The following SORL1 variants were observed in gnomAD, a reference collection of about 807,000 sequenced individuals.
The protein encoded by SORL1 is sortilin related receptor 1.
Under a neutral mutation model 273.7 loss-of-function variants are expected in SORL1, and 127 were observed. The observed-to-expected ratio is 0.46, with a 90% confidence interval of 0.40 to 0.54. The LOEUF (loss-of-function observed/expected upper bound fraction) is 0.54. Among genes scored for constraint, SORL1 ranks in the 20% least tolerant of loss-of-function variants. SORL1 has a pLI of 0.00. For missense variants in SORL1, 2,494 were observed against 2,846.1 expected (o/e 0.88, Z 2.81); for synonymous variants, 1,031 against 1,067.4 (o/e 0.97, Z 0.66).
chr11:121,489,597 C>A (rs1322901021), intron 4 of SORL1, among the ~76,000 whole-genome samples: 1 of 152,162 alleles, frequency 6.6e-6, no homozygotes, highest in Non-Finnish European at 1.5e-5. Flanking sequence ...TATGCATAGA[C>A]CACATTTTGC....
chr11:121,517,440 A>G (rs1178394354), intron 8 of SORL1, among the ~76,000 whole-genome samples: 1 of 152,210 alleles, frequency 6.6e-6, no homozygotes, highest in Non-Finnish European at 1.5e-5. Flanking sequence ...ATGGGTGAAT[A>G]ATATTCTCCT....
At chr11:121,534,137 A>G (rs533892664) in intron 12 of SORL1, among the ~76,000 whole-genome samples, 16 of 152,362 alleles carry the variant, frequency 1.1e-4, no homozygotes, top group African/African-American at 3.6e-4. Flanking sequence ...GTATACTGCT[A>G]TGTGTGTAAT....
At chr11:121,624,254 G>A (rs758832180) in intron 45 of SORL1, among the ~76,000 whole-genome samples, 5 of 152,196 alleles carry the variant, frequency 3.3e-5, no homozygotes, top group African/African-American at 4.8e-5. Context: ...AAGAGACTGT[G>A]ATTATGCAAG....
At chr11:121,608,021 CT>C in intron 37 of SORL1, 82 bp from the exon 38 acceptor site, 2 of 1,282,506 alleles carry the variant, frequency 1.6e-6, no homozygotes, top group Admixed American at 3.5e-5. Context: ...AATCTCACCC[CT>C]TTAGCTCATT....
chr11:121,459,346 C>G (rs569002076), intron 1 of SORL1, among the ~76,000 whole-genome samples: 2 of 152,352 alleles, frequency 1.3e-5, no homozygotes, highest in African/African-American at 4.8e-5. Context: ...CCTGCAAAGA[C>G]CTGCTCGTGT....
intron 28 of SORL1, among the ~76,000 whole-genome samples, chr11:121,588,715 C>T (rs1175377563): frequency 6.6e-6 from 1 of 152,174 alleles, no homozygotes; most frequent in East Asian, 1.9e-4. Context: ...GCTCAAACAA[C>T]AGAAATTTAT....
intron 6 of SORL1, among the ~76,000 whole-genome samples, chr11:121,508,312 A>G (rs1861819334): frequency 6.6e-6 from 1 of 152,170 alleles, no homozygotes; most frequent in Admixed American, 6.5e-5. Context: ...GAGTCCCAGG[A>G]ATACTCATCT....
At chr11:121,492,954 C>T (rs756181323) in intron 5 of SORL1, among the ~76,000 whole-genome samples, 1 of 151,720 alleles carries the variant, frequency 6.6e-6, no homozygotes, top group Non-Finnish European at 1.5e-5. Context: ...AGGTGCCTGC[C>T]ACCACGCCTG....
rs1863809106 is a variant in SORL1 at position 121,627,213 on chromosome 11, C to A, written c.6365-342C>A. On this transcript the variant is annotated intron_variant, in intron 46 of 47. Transcript: ENST00000260197. The surrounding 1 kb of genome is among the most constrained non-coding windows in gnomAD (Gnocchi z 4.9). ...TGATTTCACATCCTCTTATGTAAGG[C>A]AAGCAAGTGGTCTTAAGTAATAATG... 3.9e-6 allele frequency: 1 copy of A among 255,278 alleles called. No homozygotes were observed. Among genetic ancestry groups the A allele is most frequent in the Admixed American group, 5.0e-5 (1 of 19,990 alleles). The allele number at this position is 255,278 out of a possible 1,614,324, so 15.8% of individuals were successfully genotyped here. A position where few individuals can be genotyped will look rare whatever the true frequency, so the allele number is the denominator to read the frequency against.
chr11:121,615,721 G>A (rs1420879813), intron 41 of SORL1, among the ~76,000 whole-genome samples: 1 of 152,118 alleles, frequency 6.6e-6, no homozygotes, highest in Non-Finnish European at 1.5e-5. Context: ...ACAGGGCTGA[G>A]TCATAGGGAA....
chr11:121,555,999 G>A (rs945986711), intron 18 of SORL1, among the ~76,000 whole-genome samples: 2 of 152,202 alleles, frequency 1.3e-5, no homozygotes, highest in African/African-American at 2.4e-5. Flanking sequence ...AGGGCTAAGA[G>A]GAGTTGCAAG....
At chr11:121,615,492 T>A (rs1863626983) in intron 41 of SORL1, among the ~76,000 whole-genome samples, 1 of 152,208 alleles carries the variant, frequency 6.6e-6, no homozygotes, top group Non-Finnish European at 1.5e-5. Flanking sequence ...TGATATTTCA[T>A]TGAATACAGC....
Position 121,607,273 on chromosome 11 carries a change from A to G in SORL1, c.5149A>G (p.Thr1717Ala). The G allele has an allele frequency of 2.5e-6, 4 of 1,594,444 alleles. No individual in the cohort carries two copies. The highest frequency in any genetic ancestry group is 3.4e-6 in the Non-Finnish European group (4 of 1,162,418). Residue 1717 changes from threonine to alanine, a missense_variant, in exon 37 of 48, where the codon ACT (threonine) becomes GCT (alanine). Around this residue, in one of 3 missense-constraint regions of SORL1, gnomAD observed 1,609 missense variants for 1,816.4 expected, o/e 0.89. Transcript: ENST00000260197. ...FTEIKNLLVN[T>A]LYTVRVAAVT... ...AGAAATCAAGAACTTATTGGTCAAC[A>G]CTCTATACACCGTCAGAGTGAGTGT...
chr11:121,567,654 C>G lies in SORL1; in HGVS notation c.3223+541C>G, dbSNP rs558941374. Reference sequence around the variant, plus strand: ...TAGACCTTATGCCATGACCAAGCAGCAAGAGCAGCCTTACACCCACTCCCC... The same window carrying G: ...TAGACCTTATGCCATGACCAAGCAGGAAGAGCAGCCTTACACCCACTCCCC... On this transcript the variant is annotated intron_variant, in intron 22 of 47. Coordinates refer to ENST00000260197, the MANE Select transcript of SORL1 (RefSeq NM_003105.6). Among the ~76,000 whole-genome samples, 51 of 152,324 alleles carry G rather than the reference C, an allele frequency of 3.3e-4. 1 individual carries two copies. Among genetic ancestry groups the G allele is most frequent in the African/African-American group, 1.2e-3 (51 of 41,580 alleles).
chr11:121,595,729 C>T lies in SORL1; in HGVS notation c.4476C>T (p.Asp1492=), dbSNP rs771287543. Residue 1492 remains aspartate, a synonymous_variant, in exon 32 of 48, where the codon GAC becomes GAT. Transcript: ENST00000260197. The surrounding 1 kb of genome is among the most constrained non-coding windows in gnomAD (Gnocchi z 5.1). Reference sequence around the variant, plus strand: ...GTATTCCCAACTGGAAGCGCTGTGACGGCCACCAAGATTGCCAGGATGGCC... The same window carrying T: ...GTATTCCCAACTGGAAGCGCTGTGATGGCCACCAAGATTGCCAGGATGGCC... ...KTCIPNWKRC[D]GHQDCQDGRD... is the part of the protein sequence containing the mutation. The T allele has an allele frequency of 2.5e-5, 40 of 1,613,912 alleles. No individual in the cohort carries two copies. The African/African-American group carries it at 2.5e-4, about 10-fold the overall frequency.
intron 14 of SORL1, 46 bp downstream of exon 14, chr11:121,545,475 CT>C (rs1265659978): frequency 6.3e-7 from 1 of 1,577,726 alleles, no homozygotes; most frequent in East Asian, 2.2e-5. Context: ...GTTTTATTCA[CT>C]CAGCAGTGTT....
chr11:121,535,089 GTTT>G (rs67090204), intron 12 of SORL1, among the ~76,000 whole-genome samples: 2 of 148,576 alleles, frequency 1.3e-5, no homozygotes, highest in African/African-American at 2.5e-5. Context: ...ATTGCTTATG[GTTT>G]TTTTTTTTTT....
chr11:121,590,022 T>C lies in SORL1; in HGVS notation c.4079-18T>C, dbSNP rs1190780109. On this transcript the variant is annotated intron_variant, in intron 29 of 47. Coordinates refer to ENST00000260197, the MANE Select transcript of SORL1 (RefSeq NM_003105.6). The stretch of plus-strand genomic sequence containing the variant: ...CTGATGCAGGGAAAGCAACTGATGA[T>C]GTGGTTGATCTCTGCAGAAAACCCC... 1.2e-6 allele frequency: 2 copies of C among 1,613,106 alleles called. No individual in the cohort carries two copies. The highest frequency in any genetic ancestry group is 2.2e-5 in the East Asian group (1 of 44,870).
intron 23 of SORL1, among the ~76,000 whole-genome samples, chr11:121,573,437 C>T (rs1022432974): frequency 2.0e-5 from 3 of 152,102 alleles, no homozygotes; most frequent in African/African-American, 7.2e-5. Flanking sequence ...CATGGCAAAA[C>T]CCCATCTGTA....
Sources: gnomAD v4.1 joint callset for allele counts (sites outside exome capture counted in the v4.1 genomes callset) on GRCh38, gnomAD v4.1.1 for gene constraint, gnomAD v4.1.1 regional missense constraint, Gnocchi (gnomAD v3.1) non-coding constraint, MANE v1.5 for transcripts, NCBI Gene and HGNC (gene_info 2026-07-23, HGNC 2026-07-21) for gene names.